ZFAND3: variants seen among roughly 807,000 people sequenced by gnomAD.
The protein encoded by ZFAND3 is zinc finger AN1-type containing 3.
Under a neutral mutation model 29.6 loss-of-function variants are expected in ZFAND3, and 10 were observed. The observed-to-expected ratio is 0.34, with a 90% CI of 0.21 to 0.57. The LOEUF is 0.57. Ranked by LOEUF, ZFAND3 falls within the 20% of genes least tolerant of loss-of-function variation. ZFAND3 has a pLI of 0.86. For missense variants in ZFAND3, 230 were observed against 304.5 expected (o/e 0.76, Z 1.82); for synonymous variants, 128 against 112.6 (o/e 1.14, Z -0.87).
At chr6:37,930,506 G>A (rs578230928) in intron 2 of ZFAND3, among the ~76,000 whole-genome samples, 1 of 152,172 alleles carries the variant, frequency 6.6e-6, no homozygotes, top group Non-Finnish European at 1.5e-5. Flanking sequence ...ACCAGCCTGG[G>A]CAACATAGTG....
chr6:38,014,618 TG>T (rs1763222468), intron 2 of ZFAND3, among the ~76,000 whole-genome samples: 1 of 152,176 alleles, frequency 6.6e-6, no homozygotes, highest in South Asian at 2.1e-4. Context: ...TGAGCCACCA[TG>T]GCCAGCCCTA....
intron 1 of ZFAND3, among the ~76,000 whole-genome samples, chr6:37,869,688 T>G (rs1169366259): frequency 6.6e-6 from 1 of 151,122 alleles, no homozygotes; most frequent in Non-Finnish European, 1.5e-5. Flanking sequence ...AAAAAATTTT[T>G]TTTTGTAGAG....
chr6:38,108,717 C>T (rs1765256520), intron 4 of ZFAND3, among the ~76,000 whole-genome samples: 1 of 152,218 alleles, frequency 6.6e-6, no homozygotes, highest in Non-Finnish European at 1.5e-5. Flanking sequence ...ATCTTCCTCT[C>T]CCATTCCACC....
chr6:37,987,816 C>A (rs1456032205), intron 2 of ZFAND3, among the ~76,000 whole-genome samples: 1 of 152,204 alleles, frequency 6.6e-6, no homozygotes, highest in Non-Finnish European at 1.5e-5. Context: ...TAGTGACCCT[C>A]GGTCATGGTT....
At chr6:38,124,676 C>T (rs984944594) in intron 5 of ZFAND3, among the ~76,000 whole-genome samples, 14 of 152,206 alleles carry the variant, frequency 9.2e-5, no homozygotes, top group African/African-American at 3.4e-4. Context: ...CCGCGCGCAG[C>T]CCAGGTTCCT....
intron 1 of ZFAND3, among the ~76,000 whole-genome samples, chr6:37,824,831 A>C (rs1207174556): frequency 6.6e-6 from 1 of 152,220 alleles, no homozygotes; most frequent in Non-Finnish European, 1.5e-5. Flanking sequence ...CATTTTGCCT[A>C]CAAACTAAAT....
chr6:37,906,842 G>A (rs970906023), intron 1 of ZFAND3, among the ~76,000 whole-genome samples: 1 of 151,910 alleles, frequency 6.6e-6, no homozygotes, highest in African/African-American at 2.4e-5. Context: ...AGAAATGGCT[G>A]TTCAAGTGCT....
chr6:38,022,624 A>T (rs1763372797), intron 2 of ZFAND3, among the ~76,000 whole-genome samples: 1 of 152,234 alleles, frequency 6.6e-6, no homozygotes, highest in Non-Finnish European at 1.5e-5. Context: ...ATAGGCCCAA[A>T]TAATTTTAAT....
chr6:38,038,927 G>A (rs1029074438), intron 2 of ZFAND3, among the ~76,000 whole-genome samples: 10 of 152,160 alleles, frequency 6.6e-5, no homozygotes, highest in African/African-American at 2.4e-4. Context: ...CAAGCTAACT[G>A]GGATCTGGCT....
chr6:38,127,509 G>GT (rs1443612195), intron 5 of ZFAND3, among the ~76,000 whole-genome samples: 1 of 152,138 alleles, frequency 6.6e-6, no homozygotes, highest in Non-Finnish European at 1.5e-5. Flanking sequence ...TTTTAAACCA[G>GT]TATCATAAGA....
At chr6:37,998,925 T>A (rs1447245395) in intron 2 of ZFAND3, among the ~76,000 whole-genome samples, 2 of 152,204 alleles carry the variant, frequency 1.3e-5, no homozygotes, top group African/African-American at 2.4e-5. Context: ...ACACATATAT[T>A]TCCTTGCTCT....
intron 2 of ZFAND3, among the ~76,000 whole-genome samples, chr6:38,040,667 T>G (rs1215366764): frequency 6.6e-6 from 1 of 152,232 alleles, no homozygotes; most frequent in Non-Finnish European, 1.5e-5. Flanking sequence ...GAGTTGTTTA[T>G]GTTTTGCCCC....
intron 1 of ZFAND3, among the ~76,000 whole-genome samples, chr6:37,831,805 G>A (rs1387459341): frequency 6.6e-6 from 1 of 152,212 alleles, no homozygotes; most frequent in Non-Finnish European, 1.5e-5. Context: ...TAGCTGCAGT[G>A]TATGGCAGGA....
chr6:37,974,700 A>G (rs567269775), intron 2 of ZFAND3, among the ~76,000 whole-genome samples: 192 of 152,202 alleles, frequency 1.3e-3, no homozygotes, highest in African/African-American at 4.5e-3. Flanking sequence ...CCAACTATAT[A>G]TACTCTTGTT....
intron 1 of ZFAND3, among the ~76,000 whole-genome samples, chr6:37,881,146 A>ACTGCAGC (rs1221146848): frequency 6.6e-6 from 1 of 151,986 alleles, no homozygotes; most frequent in Non-Finnish European, 1.5e-5. Context: ...ATCTATACTT[A>ACTGCAGC]CTGCAGCCTC....
chr6:37,993,471 C>A (rs1181499645), intron 2 of ZFAND3, among the ~76,000 whole-genome samples: 2 of 152,096 alleles, frequency 1.3e-5, no homozygotes, highest in Non-Finnish European at 1.5e-5. Context: ...AGATTACAGG[C>A]GCGTGCCACC....
intron 4 of ZFAND3, among the ~76,000 whole-genome samples, chr6:38,098,322 T>C (rs1581915460): frequency 6.6e-6 from 1 of 152,294 alleles, no homozygotes; most frequent in East Asian, 1.9e-4. Context: ...AATTTTTGTA[T>C]TTTTAGTAGA....
chr6:37,820,417 G>C (rs1763643718), intron 1 of ZFAND3, among the ~76,000 whole-genome samples: 1 of 152,180 alleles, frequency 6.6e-6, no homozygotes, highest in Non-Finnish European at 1.5e-5. Context: ...TGGTGCCCAG[G>C]CACTAGGAGG....
chr6:38,135,748 TA>T (rs894293277), intron 5 of ZFAND3, among the ~76,000 whole-genome samples: 15 of 145,316 alleles, frequency 1.0e-4, no homozygotes, highest in Admixed American at 1.4e-4. Flanking sequence ...CCATCTCAAT[TA>T]AAAAAAAAAC....
Sources: gnomAD v4.1 joint callset for allele counts (sites outside exome capture counted in the v4.1 genomes callset) on GRCh38, gnomAD v4.1.1 for gene constraint, MANE v1.5 for transcripts, NCBI Gene and HGNC (gene_info 2026-07-23, HGNC 2026-07-21) for gene names.